The following RALGPS2 variants were observed in gnomAD, a reference collection of about 807,000 sequenced individuals.
The protein encoded by RALGPS2 is Ral GEF with PH domain and SH3 binding motif 2.
In RALGPS2, 43 loss-of-function variants were observed where a neutral mutation model predicts 86.8. The ratio of observed to expected loss-of-function variants is 0.50; its 90% CI spans 0.39 to 0.64. The LOEUF is 0.64. Among genes scored for constraint, RALGPS2 ranks in the 30% least tolerant of loss-of-function variants. The probability of loss-of-function intolerance (pLI) is 0.00; values close to 1 mark genes in which losing one functional copy is unlikely to be tolerated. For missense variants in RALGPS2, 536 were observed against 694.6 expected (o/e 0.77, Z 2.57); for synonymous variants, 243 against 231.3 (o/e 1.05, Z -0.46).
intron 18 of RALGPS2, among the ~76,000 whole-genome samples, chr1:178,903,537 G>A (rs546110940): frequency 7.9e-5 from 12 of 152,170 alleles, no homozygotes; most frequent in African/African-American, 2.9e-4. Flanking sequence ...AAAGTCCATT[G>A]TATCATTCTT....
chr1:178,874,725 A>G (rs1440276095), intron 8 of RALGPS2, among the ~76,000 whole-genome samples: 1 of 152,202 alleles, frequency 6.6e-6, no homozygotes, highest in African/African-American at 2.4e-5. Context: ...TGTTGTAGTC[A>G]TAAGTTGACT....
intron 8 of RALGPS2, among the ~76,000 whole-genome samples, chr1:178,843,678 A>G (rs1656723034): frequency 6.6e-6 from 1 of 151,924 alleles, no homozygotes; most frequent in Non-Finnish European, 1.5e-5. Flanking sequence ...GAAAGAAAGA[A>G]ACCAAAAAGG....
intron 2 of RALGPS2, among the ~76,000 whole-genome samples, chr1:178,777,434 G>A (rs1270967316): frequency 1.3e-5 from 2 of 151,770 alleles, no homozygotes; most frequent in African/African-American, 2.4e-5. Flanking sequence ...TCATGGGTAG[G>A]AAGAATCAAT....
chr1:178,807,454 A>C (rs1369703186), intron 4 of RALGPS2, among the ~76,000 whole-genome samples: 1 of 152,240 alleles, frequency 6.6e-6, no homozygotes. Context: ...TGGTAACTAC[A>C]TCACATGTGT....
intron 1 of RALGPS2, among the ~76,000 whole-genome samples, chr1:178,759,148 A>G (rs1295366578): frequency 2.6e-5 from 4 of 152,134 alleles, no homozygotes; most frequent in Non-Finnish European, 5.9e-5. Flanking sequence ...TTTCTCCCAG[A>G]CCAATGCTCT....
intron 19 of RALGPS2, among the ~76,000 whole-genome samples, chr1:178,912,685 G>C (rs570917603): frequency 3.3e-5 from 5 of 152,218 alleles, no homozygotes; most frequent in Admixed American, 3.3e-4. Flanking sequence ...ATAGTATCTT[G>C]TGGGGAGTCT....
intron 16 of RALGPS2, chr1:178,894,239 A>G (rs1417244281): frequency 2.7e-6 from 1 of 370,662 alleles, no homozygotes; most frequent in Non-Finnish European, 4.8e-6. Flanking sequence ...AATTACCATC[A>G]TTTGGAACAT....
At chr1:178,789,793 T>C (rs1358292755) in intron 4 of RALGPS2, among the ~76,000 whole-genome samples, 1 of 152,188 alleles carries the variant, frequency 6.6e-6, no homozygotes, top group African/African-American at 2.4e-5. Flanking sequence ...AGACTGACAA[T>C]TTTTGCTTAC....
At chr1:178,740,919 A>G (rs1157552624) in intron 1 of RALGPS2, among the ~76,000 whole-genome samples, 1 of 152,228 alleles carries the variant, frequency 6.6e-6, no homozygotes, top group African/African-American at 2.4e-5. Context: ...TAAAATGAGC[A>G]TCATAACAAT....
chr1:178,770,629 A>G (rs1396680175), intron 1 of RALGPS2, among the ~76,000 whole-genome samples: 1 of 143,602 alleles, frequency 7.0e-6, no homozygotes, highest in African/African-American at 2.6e-5. Flanking sequence ...GGCACCCACC[A>G]CCAGGCCTGG....
chr1:178,818,804 A>T (rs1655357349), intron 6 of RALGPS2, among the ~76,000 whole-genome samples: 1 of 151,934 alleles, frequency 6.6e-6, no homozygotes. Flanking sequence ...GGTTTTTTTT[A>T]CTTTGGAATT....
chr1:178,744,713 A>C (rs557829231), intron 1 of RALGPS2, among the ~76,000 whole-genome samples: 1 of 150,130 alleles, frequency 6.7e-6, no homozygotes, highest in African/African-American at 2.5e-5. Context: ...GCTACTCAGG[A>C]GGCTGAGGCA....
intron 4 of RALGPS2, among the ~76,000 whole-genome samples, chr1:178,804,296 C>CT (rs1654629724): frequency 7.9e-6 from 1 of 126,496 alleles, no homozygotes; most frequent in Non-Finnish European, 1.7e-5. Flanking sequence ...TATTATTATA[C>CT]TTTAAGTTTT....
intron 1 of RALGPS2, among the ~76,000 whole-genome samples, chr1:178,771,735 A>C (rs1652821298): frequency 6.6e-6 from 1 of 152,188 alleles, no homozygotes; most frequent in Non-Finnish European, 1.5e-5. Context: ...ATTTTAGTGT[A>C]TGTTGGTTCA....
chr1:178,921,431 A>G lies in RALGPS2; in HGVS notation c.*5072A>G, dbSNP rs1427809559. 1 of 151,838 alleles carries G rather than the reference A, an allele frequency of 6.6e-6. No individual in the cohort carries two copies. 9.4% of individuals were successfully genotyped at this position (151,838 alleles called of 1,614,324 possible). On this transcript the variant is annotated 3_prime_UTR_variant, in exon 20 of 20. Coordinates refer to ENST00000367635, the MANE Select transcript of RALGPS2 (RefSeq NM_152663.5). ...AATAGGTATGGTAAAATAGCTGATAATAAGTCAGACTCTCAAGAGTTTCTG... is the reference window on the plus strand; with the variant it reads ...AATAGGTATGGTAAAATAGCTGATAGTAAGTCAGACTCTCAAGAGTTTCTG...
chr1:178,840,844 A>G (rs1393138727), intron 8 of RALGPS2, among the ~76,000 whole-genome samples: 3 of 152,184 alleles, frequency 2.0e-5, no homozygotes, highest in African/African-American at 4.8e-5. Flanking sequence ...CAGAAATACA[A>G]ACTACCATCA....
intron 19 of RALGPS2, among the ~76,000 whole-genome samples, chr1:178,915,980 T>C (rs1660796089): frequency 6.6e-6 from 1 of 152,168 alleles, no homozygotes; most frequent in South Asian, 2.1e-4. Flanking sequence ...GGCAAACAAG[T>C]GTATCTGGAA....
At chr1:178,840,767 T>G (rs1656563936) in intron 8 of RALGPS2, among the ~76,000 whole-genome samples, 1 of 150,016 alleles carries the variant, frequency 6.7e-6, no homozygotes, top group Non-Finnish European at 1.5e-5. Flanking sequence ...ATATATATAA[T>G]AAAGAAAAGG....
At chr1:178,839,626 A>T (rs185026016) in intron 8 of RALGPS2, among the ~76,000 whole-genome samples, 4 of 152,324 alleles carry the variant, frequency 2.6e-5, no homozygotes, top group African/African-American at 9.6e-5. Context: ...ATAACCAGCG[A>T]ACATCATAAT....
Sources: gnomAD v4.1 joint callset for allele counts (sites outside exome capture counted in the v4.1 genomes callset) on GRCh38, gnomAD v4.1.1 for gene constraint, MANE v1.5 for transcripts, NCBI Gene and HGNC (gene_info 2026-07-23, HGNC 2026-07-21) for gene names.